Variants in RNF2 observed in about 807,000 individuals in gnomAD.
RNF2 encodes the protein E3 ubiquitin-protein ligase RING2.
In RNF2, 6 loss-of-function variants were observed where a neutral mutation model predicts 37.2. That is an observed-to-expected ratio of 0.16 (90% CI 0.09 to 0.32). The LOEUF (loss-of-function observed/expected upper bound fraction) is 0.32, where lower values mean the gene tolerates loss of function less well. Among genes scored for constraint, RNF2 ranks in the 10% least tolerant of loss-of-function variants. The pLI, the probability that RNF2 is intolerant of heterozygous loss-of-function variation, is 1.00. For synonymous variants in RNF2, 133 were observed against 132.7 expected (o/e 1.00, Z -0.02); for missense variants, 251 against 404.0 (o/e 0.62, Z 3.25).
intron 1 of RNF2, among the ~76,000 whole-genome samples, chr1:185,052,220 T>A (rs1369777853): frequency 1.3e-5 from 2 of 152,094 alleles, no homozygotes. Flanking sequence ...CTCCTACCAC[T>A]AAACCGGAGG....
Position 185,098,255 on chromosome 1 carries a change from T to C in RNF2, c.648T>C (p.Ile216=), listed in dbSNP as rs1220792022. ...ATAATAACAATGCAGCAATGGCAAT[T>C]GATCCAGTAATGGATGGTGCTAGTG... The part of the protein sequence containing the change: ...ELDNNNAAMA[I]DPVMDGASEI... The change falls in exon 5 of 7, where the codon ATT becomes ATC. Residue 216 remains isoleucine (I), a synonymous_variant. Transcript: ENST00000367510. The C allele has an allele frequency of 6.2e-7, 1 of 1,614,068 alleles. No homozygotes were observed. Among genetic ancestry groups the C allele is most frequent in the Admixed American group, 1.7e-5 (1 of 60,010 alleles).
At chr1:185,087,434 A>C in intron 1 of RNF2, 118 bp from the exon 2 acceptor site, 1 of 791,886 alleles carries the variant, frequency 1.3e-6, no homozygotes, top group Admixed American at 2.1e-5. Flanking sequence ...CCCACCTCTT[A>C]ATATTACTTC....
intron 1 of RNF2, among the ~76,000 whole-genome samples, chr1:185,075,737 A>C (rs1354396735): frequency 6.6e-6 from 1 of 151,932 alleles, no homozygotes; most frequent in East Asian, 1.9e-4. Context: ...ACACGAGAAC[A>C]GCAAGGGGGA....
intron 2 of RNF2, among the ~76,000 whole-genome samples, chr1:185,089,962 C>T (rs1651719821): frequency 6.6e-6 from 1 of 152,058 alleles, no homozygotes; most frequent in African/African-American, 2.4e-5. Context: ...CGCTCTGTCA[C>T]CTAGGCTGGC....
intron 1 of RNF2, among the ~76,000 whole-genome samples, chr1:185,081,852 A>G (rs1054371789): frequency 1.3e-5 from 2 of 152,138 alleles, no homozygotes; most frequent in Non-Finnish European, 2.9e-5. Flanking sequence ...TATTTCTCAG[A>G]TGTAATGGTT....
At chr1:185,082,528 T>A (rs1446314593) in intron 1 of RNF2, among the ~76,000 whole-genome samples, 2 of 151,842 alleles carry the variant, frequency 1.3e-5, no homozygotes, top group Non-Finnish European at 2.9e-5. Context: ...TTTTTTATTT[T>A]TTTTTTAGTA....
chr1:185,083,300 G>T (rs1188232214), intron 1 of RNF2, among the ~76,000 whole-genome samples: 2 of 152,046 alleles, frequency 1.3e-5, no homozygotes, highest in Non-Finnish European at 2.9e-5. Flanking sequence ...GTTTTCTCAG[G>T]TTCTTTGAAT....
At chr1:185,094,848 T>A (rs1651867378) in intron 4 of RNF2, among the ~76,000 whole-genome samples, 1 of 152,216 alleles carries the variant, frequency 6.6e-6, no homozygotes, top group Admixed American at 6.5e-5. Context: ...GAATCATTAT[T>A]TTCCATAGAA....
intron 1 of RNF2, among the ~76,000 whole-genome samples, chr1:185,070,790 C>T (rs924563728): frequency 6.6e-6 from 1 of 151,994 alleles, no homozygotes; most frequent in Non-Finnish European, 1.5e-5. Context: ...AGGTGCCCGC[C>T]ACCTCGCCGG....
chr1:185,088,456 T>C (rs941390264), intron 2 of RNF2, among the ~76,000 whole-genome samples: 1 of 151,686 alleles, frequency 6.6e-6, no homozygotes, highest in African/African-American at 2.4e-5. Flanking sequence ...CTTGGGAGGC[T>C]GAGGCAGGAG....
intron 2 of RNF2, among the ~76,000 whole-genome samples, chr1:185,089,708 G>T (rs1651711121): frequency 6.6e-6 from 1 of 152,104 alleles, no homozygotes; most frequent in Non-Finnish European, 1.5e-5. Flanking sequence ...AGACCAATGT[G>T]AAATTGAGTT....
intron 1 of RNF2, among the ~76,000 whole-genome samples, chr1:185,054,321 A>G (rs1571293191): frequency 6.6e-6 from 1 of 152,256 alleles, no homozygotes; most frequent in African/African-American, 2.4e-5. Context: ...TAAGTTCAGA[A>G]CTGTTCACAT....
chr1:185,063,911 C>T (rs145952144), intron 1 of RNF2, among the ~76,000 whole-genome samples: 24 of 152,280 alleles, frequency 1.6e-4, no homozygotes, highest in African/African-American at 5.8e-4. Context: ...GCTTTGTCTG[C>T]CTCTTAAGGA....
Position 185,098,268 on chromosome 1 carries a change from G to A in RNF2, c.661G>A (p.Asp221Asn). 6.2e-7 allele frequency: 1 copy of A among 1,614,180 alleles called. No individual in the cohort carries two copies. The highest frequency in any genetic ancestry group is 8.5e-7 in the Non-Finnish European group (1 of 1,180,022). ...NAAMAIDPVM[D>N]GASEIELVFR... ...AGCAATGGCAATTGATCCAGTAATG[G>A]ATGGTGCTAGTGAAATTGAATTAGT... The change falls in exon 5 of 7, where the codon GAT becomes AAT. Residue 221 changes from aspartate to asparagine, a missense_variant. Asp to Asn is a conservative substitution (Grantham distance 23). Around this residue, in one of 7 missense-constraint regions of RNF2, gnomAD observed 94 missense variants for 99.2 expected, o/e 0.95. Transcript: ENST00000367510.
At chr1:185,047,478 A>G (rs1650152841) in intron 1 of RNF2, among the ~76,000 whole-genome samples, 2 of 152,216 alleles carry the variant, frequency 1.3e-5, no homozygotes, top group African/African-American at 2.4e-5. Flanking sequence ...TTGTGGTGTC[A>G]CGTCTGTGTC....
intron 1 of RNF2, among the ~76,000 whole-genome samples, chr1:185,073,079 TAATG>T (rs1208830070): frequency 6.7e-6 from 1 of 150,158 alleles, no homozygotes; most frequent in Non-Finnish European, 1.5e-5. Context: ...TTTTTTTACT[TAATG>T]TGTGTTGTAT....
intron 4 of RNF2, 71 bp downstream of exon 4, chr1:185,093,347 T>C: frequency 1.4e-6 from 2 of 1,407,420 alleles, no homozygotes; most frequent in South Asian, 1.2e-5. Context: ...AATTTACTTT[T>C]TGAAAAAGGT....
chr1:185,086,016 A>C (rs936316178), intron 1 of RNF2, among the ~76,000 whole-genome samples: 1 of 152,220 alleles, frequency 6.6e-6, no homozygotes. Flanking sequence ...TAATTTGCTT[A>C]GAACCTGCTT....
chr1:185,056,368 T>A (rs1341644670), intron 1 of RNF2, among the ~76,000 whole-genome samples: 3 of 149,844 alleles, frequency 2.0e-5, no homozygotes, highest in African/African-American at 5.0e-5. Context: ...TTTTTTCTCA[T>A]TTTTTTTAGA....
Sources: allele counts gnomAD v4.1 joint callset (sites outside exome capture counted in the v4.1 genomes callset), GRCh38; gene constraint gnomAD v4.1.1; regional missense constraint gnomAD v4.1.1; transcripts MANE v1.5; gene names NCBI Gene and HGNC (gene_info 2026-07-23, HGNC 2026-07-21).